The following SPOCK1 variants were observed in gnomAD, a reference collection of about 807,000 sequenced individuals.
SPOCK1 encodes testican-1.
Under a neutral mutation model 55.3 loss-of-function variants are expected in SPOCK1, and 23 were observed. The observed-to-expected ratio is 0.42, with a 90% CI of 0.30 to 0.59. The LOEUF (loss-of-function observed/expected upper bound fraction) is 0.59, where lower values mean the gene tolerates loss of function less well. Ranked by LOEUF, SPOCK1 falls within the 20% of genes least tolerant of loss-of-function variation. The pLI is 0.22. For missense variants in SPOCK1, 499 were observed against 552.5 expected (o/e 0.90, Z 0.97); for synonymous variants, 226 against 221.0 (o/e 1.02, Z -0.20).
At chr5:137,367,437 G>A (rs1230800008) in intron 2 of SPOCK1, among the ~76,000 whole-genome samples, 2 of 152,194 alleles carry the variant, frequency 1.3e-5, no homozygotes, top group Non-Finnish European at 2.9e-5. Flanking sequence ...AGCAGCTCCA[G>A]GGGTTCAAGG....
Position 137,140,553 on chromosome 5 carries a change from C to T in SPOCK1, c.347+27G>A, listed in dbSNP as rs147214442. 2.0e-4 allele frequency: 315 copies of T among 1,591,292 alleles called. 4 individuals are homozygous for T. In the East Asian group the frequency reaches 6.6e-3, roughly 33 times the overall value. ...TGCCAGCTGCAGAATGCCTCCCAGC[C>T]CCCAGCCCCCGGCCTTCCTGCCTTA... On this transcript the variant is annotated intron_variant, in intron 4 of 10. Transcript: ENST00000394945.
rs555320144 is a variant in SPOCK1, at chr5:137,473,919, A to G, written c.186+24454T>C. Among the ~76,000 whole-genome samples the G allele has an allele frequency of 2.0e-3, 309 of 152,368 alleles. 1 individual carries two copies. Among genetic ancestry groups the G allele is most frequent in the African/African-American group, 6.0e-3 (250 of 41,594 alleles). On this transcript the variant is annotated intron_variant, in intron 2 of 10. Coordinates refer to ENST00000394945, the MANE Select transcript of SPOCK1 (RefSeq NM_004598.4). ...GGAATACTATGCAGCCATAAAAAGG[A>G]ATGAATTAACAGCACTTGCAGTGAC...
intron 6 of SPOCK1, among the ~76,000 whole-genome samples, chr5:137,033,942 C>G (rs1421907492): frequency 6.6e-6 from 1 of 152,222 alleles, no homozygotes; most frequent in African/African-American, 2.4e-5. Flanking sequence ...CCTAATCACA[C>G]ACTGTGTTTT....
At chr5:137,402,657 G>GA (rs1231567834) in intron 2 of SPOCK1, among the ~76,000 whole-genome samples, 1 of 152,174 alleles carries the variant, frequency 6.6e-6, no homozygotes, top group African/African-American at 2.4e-5. Context: ...GAAGGGATAT[G>GA]AAAACCACAG....
At chr5:136,990,282 G>C (rs950930684) in intron 7 of SPOCK1, among the ~76,000 whole-genome samples, 1 of 151,996 alleles carries the variant, frequency 6.6e-6, no homozygotes, top group Non-Finnish European at 1.5e-5. Context: ...AATAAGTACA[G>C]CATCTCCTCC....
At chr5:137,006,191 CT>C (rs1561577334) in intron 6 of SPOCK1, among the ~76,000 whole-genome samples, 2 of 152,120 alleles carry the variant, frequency 1.3e-5, no homozygotes, top group Non-Finnish European at 2.9e-5. Context: ...TATACGGGCT[CT>C]TTTTTGGTAC....
chr5:137,459,732 A>C (rs542371433), intron 2 of SPOCK1, among the ~76,000 whole-genome samples: 4 of 152,272 alleles, frequency 2.6e-5, no homozygotes, highest in African/African-American at 2.4e-5. Context: ...CTGACGGTAC[A>C]CTGGAGGAGA....
chr5:137,462,632 G>A (rs1280393724), intron 2 of SPOCK1, among the ~76,000 whole-genome samples: 1 of 152,208 alleles, frequency 6.6e-6, no homozygotes, highest in Non-Finnish European at 1.5e-5. Context: ...ATGACATGGA[G>A]CTACTGTGAG....
chr5:137,079,085 T>C (rs1752828275), intron 5 of SPOCK1, among the ~76,000 whole-genome samples: 2 of 152,198 alleles, frequency 1.3e-5, no homozygotes, highest in South Asian at 4.1e-4. Context: ...TTGGATGCTT[T>C]GCTTTGTCTA....
chr5:137,415,221 C>T (rs888861827), intron 2 of SPOCK1, among the ~76,000 whole-genome samples: 1 of 152,160 alleles, frequency 6.6e-6, no homozygotes, highest in Non-Finnish European at 1.5e-5. Flanking sequence ...TAGAGAAGAA[C>T]CCATATAGTT....
intron 2 of SPOCK1, among the ~76,000 whole-genome samples, chr5:137,287,490 A>C (rs1757291934): frequency 6.6e-6 from 1 of 152,224 alleles, no homozygotes. Flanking sequence ...AAATATACTC[A>C]GAATCGTCTC....
At chr5:137,264,904 C>T (rs1013518015) in intron 3 of SPOCK1, among the ~76,000 whole-genome samples, 4 of 152,182 alleles carry the variant, frequency 2.6e-5, no homozygotes, top group Non-Finnish European at 5.9e-5. Flanking sequence ...ATATAAATAG[C>T]CAACGGCAGC....
intron 2 of SPOCK1, among the ~76,000 whole-genome samples, chr5:137,313,180 C>A (rs1757819070): frequency 6.6e-6 from 1 of 152,188 alleles, no homozygotes; most frequent in Non-Finnish European, 1.5e-5. Flanking sequence ...CAGTTAGAGT[C>A]TCTCCTAAAA....
At chr5:137,175,726 C>T (rs1165695423) in intron 3 of SPOCK1, among the ~76,000 whole-genome samples, 1 of 152,106 alleles carries the variant, frequency 6.6e-6, no homozygotes, top group East Asian at 1.9e-4. Context: ...GCAACCAATC[C>T]ATGTAAAGTG....
chr5:137,330,632 C>A (rs897094087), intron 2 of SPOCK1, among the ~76,000 whole-genome samples: 1 of 152,200 alleles, frequency 6.6e-6, no homozygotes, highest in East Asian at 1.9e-4. Context: ...TATTGACAAA[C>A]TACTATGTGC....
At chr5:137,100,340 C>G (rs1337749330) in intron 5 of SPOCK1, among the ~76,000 whole-genome samples, 1 of 152,138 alleles carries the variant, frequency 6.6e-6, no homozygotes, top group African/African-American at 2.4e-5. Flanking sequence ...CTCCTTGTCC[C>G]TTGTTTGGTG....
rs557896919 is a variant in SPOCK1 at position 136,990,547 on chromosome 5, C to A, written c.707-1904G>T. Among the ~76,000 whole-genome samples, 5 of 151,664 alleles carry A rather than the reference C, an allele frequency of 3.3e-5. No individual in the cohort carries two copies. The East Asian group carries it at 9.7e-4, about 29-fold the overall frequency. On this transcript the variant is annotated intron_variant, in intron 7 of 10. Coordinates refer to ENST00000394945, the MANE Select transcript of SPOCK1 (RefSeq NM_004598.4). ...CTTAGAACACATTTTAAAATACCCA[C>A]CCCCCTCTTTTTTTTTTTCCAGAAG...
At chr5:137,002,048 G>A (rs17170815) in intron 6 of SPOCK1, among the ~76,000 whole-genome samples, 3,646 of 152,220 alleles carry the variant, frequency 0.024, 109 homozygotes, top group African/African-American at 0.065. Context: ...TAGAGAATGC[G>A]TCATTTTATG....
At chr5:137,171,298 C>T (rs1187001672) in intron 3 of SPOCK1, among the ~76,000 whole-genome samples, 2 of 152,198 alleles carry the variant, frequency 1.3e-5, no homozygotes, top group African/African-American at 4.8e-5. Flanking sequence ...CTCTCTGCCA[C>T]TCTTGCATAT....
Sources: allele counts gnomAD v4.1 joint callset (sites outside exome capture counted in the v4.1 genomes callset), GRCh38; gene constraint gnomAD v4.1.1; transcripts MANE v1.5; gene names NCBI Gene and HGNC (gene_info 2026-07-23, HGNC 2026-07-21).